The following CNTN4 variants were observed in gnomAD, a reference collection of about 807,000 sequenced individuals.
CNTN4 encodes contactin-4.
Under a neutral mutation model 122.5 loss-of-function variants are expected in CNTN4, and 77 were observed. That is an observed-to-expected ratio of 0.63 (90% CI 0.52 to 0.76). The LOEUF (loss-of-function observed/expected upper bound fraction) is 0.76, where lower values mean the gene tolerates loss of function less well. CNTN4 is among the 30% of genes least tolerant of loss of function. The pLI, the probability that CNTN4 is intolerant of heterozygous loss-of-function variation, is 0.00. For synonymous variants in CNTN4, 512 were observed against 447.0 expected, an observed-to-expected ratio of 1.15 and a Z score of -1.83; for missense variants, 1,256 against 1,259.1, an observed-to-expected ratio of 1.00 and a Z score of 0.04.
chr3:2,606,692 T>C (rs772382757), intron 4 of CNTN4, among the ~76,000 whole-genome samples: 5 of 152,208 alleles, frequency 3.3e-5, no homozygotes, highest in African/African-American at 4.8e-5. Flanking sequence ...CCCCTGCTTG[T>C]TCGTCAGCAT....
chr3:2,732,192 T>A (rs1180820570), intron 4 of CNTN4, among the ~76,000 whole-genome samples: 5 of 152,178 alleles, frequency 3.3e-5, no homozygotes, highest in Non-Finnish European at 7.3e-5. Flanking sequence ...TGTTCTGTTC[T>A]TAGGAAATGG....
At chr3:3,003,844 G>A (rs915782313) in intron 14 of CNTN4, among the ~76,000 whole-genome samples, 26 of 152,008 alleles carry the variant, frequency 1.7e-4, no homozygotes, top group Admixed American at 1.6e-3. Context: ...TGACCTCCTG[G>A]GCACAAGCAA....
chr3:2,151,774 A>C lies in CNTN4; in HGVS notation c.-145+51135A>C, dbSNP rs543459429. Among the ~76,000 whole-genome samples the C allele has an allele frequency of 2.0e-5, 3 of 152,280 alleles. No homozygotes were observed. The South Asian group carries it at 6.2e-4, about 32-fold the overall frequency. On this transcript the variant is annotated intron_variant, in intron 2 of 24. Transcript: ENST00000418658. The stretch of plus-strand genomic sequence containing the variant: ...AAGAGGAAAACAGACCTGAGCTAGG[A>C]CACTCAGTCATGTGACAGCCTGTGC...
intron 3 of CNTN4, among the ~76,000 whole-genome samples, chr3:2,415,094 A>G (rs2047365501): frequency 6.6e-6 from 1 of 152,196 alleles, no homozygotes; most frequent in Non-Finnish European, 1.5e-5. Context: ...ACTATTTTTT[A>G]TACTGTGGAT....
At chr3:2,616,009 C>T (rs553408519) in intron 4 of CNTN4, among the ~76,000 whole-genome samples, 1 of 144,742 alleles carries the variant, frequency 6.9e-6, no homozygotes, top group Non-Finnish European at 1.5e-5. Context: ...AATACTAGTT[C>T]CTCAGGCTGC....
chr3:2,337,255 G>T (rs189848241), intron 2 of CNTN4, among the ~76,000 whole-genome samples: 1 of 152,166 alleles, frequency 6.6e-6, no homozygotes, highest in East Asian at 1.9e-4. Flanking sequence ...GATTCCCTCT[G>T]GATGCAATTA....
intron 3 of CNTN4, among the ~76,000 whole-genome samples, chr3:2,516,278 T>A (rs903660654): frequency 5.3e-5 from 8 of 152,128 alleles, no homozygotes; most frequent in South Asian, 2.1e-4. Flanking sequence ...CTGTTGTAAG[T>A]AGAATCCGTA....
intron 6 of CNTN4, among the ~76,000 whole-genome samples, chr3:2,779,306 G>A (rs1290363127): frequency 2.6e-5 from 4 of 151,938 alleles, no homozygotes; most frequent in Non-Finnish European, 1.5e-5. Context: ...TCACTCTGTC[G>A]CCCAGGCTTG....
intron 4 of CNTN4, among the ~76,000 whole-genome samples, chr3:2,673,710 T>C (rs1263391832): frequency 6.6e-6 from 1 of 151,896 alleles, no homozygotes; most frequent in Non-Finnish European, 1.5e-5. Context: ...CCGGCTAATT[T>C]TTTTTGCATT....
At chr3:2,383,431 C>G (rs1317467060) in intron 3 of CNTN4, among the ~76,000 whole-genome samples, 1 of 152,108 alleles carries the variant, frequency 6.6e-6, no homozygotes, top group Non-Finnish European at 1.5e-5. Flanking sequence ...TTAATCTTCC[C>G]ACAACCCTTT....
chr3:2,249,252 G>T (rs1426094754), intron 2 of CNTN4, among the ~76,000 whole-genome samples: 1 of 151,844 alleles, frequency 6.6e-6, no homozygotes, highest in Non-Finnish European at 1.5e-5. Flanking sequence ...AGAAGGTTGG[G>T]GCTGGGAGAG....
At chr3:2,862,449 C>A (rs535100499) in intron 7 of CNTN4, among the ~76,000 whole-genome samples, 1 of 152,066 alleles carries the variant, frequency 6.6e-6, no homozygotes, top group Admixed American at 6.5e-5. Flanking sequence ...TGCTGCAAAC[C>A]AAAAAAACCA....
chr3:2,766,229 C>T (rs907351771), intron 6 of CNTN4, among the ~76,000 whole-genome samples: 6 of 152,176 alleles, frequency 3.9e-5, no homozygotes, highest in African/African-American at 7.2e-5. Context: ...TTCTCCTGAT[C>T]GCATCTATAA....
chr3:2,536,398 T>A (rs7636894), intron 3 of CNTN4, among the ~76,000 whole-genome samples: 1 of 152,116 alleles, frequency 6.6e-6, no homozygotes, highest in African/African-American at 2.4e-5. Context: ...TTTGACTTCA[T>A]ATACTGAGAC....
At chr3:2,614,127 T>A (rs1198136663) in intron 4 of CNTN4, among the ~76,000 whole-genome samples, 2 of 151,854 alleles carry the variant, frequency 1.3e-5, no homozygotes, top group East Asian at 1.9e-4. Context: ...ACTTTAGGGG[T>A]CAAGGAAGTC....
At chr3:2,518,315 G>A (rs138468887) in intron 3 of CNTN4, among the ~76,000 whole-genome samples, 281 of 152,158 alleles carry the variant, frequency 1.8e-3, no homozygotes, top group African/African-American at 6.4e-3. Flanking sequence ...TAAATGATAC[G>A]TTGATTATAA....
intron 14 of CNTN4, among the ~76,000 whole-genome samples, chr3:3,000,313 T>C (rs906340279): frequency 2.0e-5 from 3 of 151,956 alleles, no homozygotes; most frequent in Non-Finnish European, 4.4e-5. Flanking sequence ...TGAAATCACC[T>C]TAAAGAGTGA....
At chr3:2,105,120 C>G (rs939199144) in intron 2 of CNTN4, among the ~76,000 whole-genome samples, 4 of 152,138 alleles carry the variant, frequency 2.6e-5, no homozygotes, top group African/African-American at 9.7e-5. Flanking sequence ...TAGTTGGGCT[C>G]CATGTATGCC....
intron 5 of CNTN4, among the ~76,000 whole-genome samples, chr3:2,737,025 C>G (rs2089161431): frequency 6.6e-6 from 1 of 152,050 alleles, no homozygotes; most frequent in Non-Finnish European, 1.5e-5. Flanking sequence ...CTCAAGAGAT[C>G]TGCTAGCCTG....
Sources: gnomAD v4.1 joint callset for allele counts (sites outside exome capture counted in the v4.1 genomes callset) on GRCh38, gnomAD v4.1.1 for gene constraint, MANE v1.5 for transcripts, NCBI Gene and HGNC (gene_info 2026-07-23, HGNC 2026-07-21) for gene names.